INSIG2: variants seen among roughly 807,000 people sequenced by gnomAD.
INSIG2 encodes insulin induced gene 2, also known as insulin-induced gene 2 protein.
A neutral mutation model predicts 27.2 loss-of-function variants in INSIG2; 10 were observed. That is an observed-to-expected ratio of 0.37 (90% CI 0.23 to 0.62). The LOEUF (loss-of-function observed/expected upper bound fraction) is 0.62, where lower values mean the gene tolerates loss of function less well. Ranked by LOEUF, INSIG2 falls within the 20% of genes least tolerant of loss-of-function variation. The pLI, the probability that INSIG2 is intolerant of heterozygous loss-of-function variation, is 0.65. For missense variants in INSIG2, 178 were observed against 270.2 expected (o/e 0.66, Z 2.39); for synonymous variants, 97 against 95.8 (o/e 1.01, Z -0.07).
chr2:118,108,280 G>A lies in INSIG2; in HGVS notation c.637-1G>A. The A allele has an allele frequency of 1.3e-6, 2 of 1,588,158 alleles. No homozygotes were observed. The highest frequency in any genetic ancestry group is 1.7e-6 in the Non-Finnish European group (2 of 1,166,374). On this transcript the variant is annotated splice_acceptor_variant, in intron 5 of 5. Coordinates refer to ENST00000245787, the MANE Select transcript of INSIG2 (RefSeq NM_016133.4). LOFTEE classifies it high-confidence loss of function. ...ACCTTTTAACCTTTTAATTTTTGCA[G>A]TACGAATGTAAAGTTATCGCAGAAA... is the stretch of plus-strand genomic sequence containing the variant.
At chr2:118,098,694 C>T (rs887638494) in intron 2 of INSIG2, among the ~76,000 whole-genome samples, 5 of 152,178 alleles carry the variant, frequency 3.3e-5, no homozygotes, top group African/African-American at 9.7e-5. Flanking sequence ...TGTCCTTCTG[C>T]CCCTTTAATG....
chr2:118,101,185 C>T (rs1678536522), intron 2 of INSIG2, among the ~76,000 whole-genome samples: 1 of 152,226 alleles, frequency 6.6e-6, no homozygotes, highest in Non-Finnish European at 1.5e-5. Context: ...TGCTATCAGA[C>T]TCTGCCATGC....
chr2:118,097,681 A>C (rs1678443978), intron 2 of INSIG2, among the ~76,000 whole-genome samples: 1 of 152,226 alleles, frequency 6.6e-6, no homozygotes. Flanking sequence ...TTTAATAATA[A>C]AGTAATAAAA....
intron 3 of INSIG2, among the ~76,000 whole-genome samples, chr2:118,105,663 C>T (rs1678655829): frequency 6.6e-6 from 1 of 152,120 alleles, no homozygotes; most frequent in African/African-American, 2.4e-5. Flanking sequence ...GAGAAATAAG[C>T]AAGCTGGGTG....
At chr2:118,093,166 T>C (rs1678302675) in intron 1 of INSIG2, among the ~76,000 whole-genome samples, 2 of 77,390 alleles carry the variant, frequency 2.6e-5, no homozygotes, top group East Asian at 9.4e-4. Context: ...ATGATGATGA[T>C]GAAGGAGAGT....
chr2:118,092,898 T>G, intron 1 of INSIG2, among the ~76,000 whole-genome samples: 1 of 128,092 alleles, frequency 7.8e-6, no homozygotes, highest in East Asian at 2.2e-4. Flanking sequence ...ACGAGGAGAG[T>G]TCTGTAGCTA....
At chr2:118,103,079 TG>T (rs374575645) in intron 2 of INSIG2, 117 bp from the exon 3 acceptor site, 16 of 906,366 alleles carry the variant, frequency 1.8e-5, no homozygotes, top group East Asian at 5.1e-5. Flanking sequence ...CTTTTTTTTT[TG>T]TTTTTTTTTT....
At chr2:118,103,166 G>T (rs1265049059) in intron 2 of INSIG2, 31 bp from the exon 3 acceptor site, 1 of 1,602,158 alleles carries the variant, frequency 6.2e-7, no homozygotes, top group Admixed American at 1.7e-5. Flanking sequence ...AACATTGGAG[G>T]TAACTTAATT....
chr2:118,096,426 G>T lies in INSIG2; in HGVS notation c.-131G>T. 1.3e-6 allele frequency: 1 copy of T among 799,272 alleles called. No homozygotes were observed. The highest frequency in any genetic ancestry group is 1.9e-6 in the Non-Finnish European group (1 of 520,746). 49.5% of individuals were successfully genotyped at this position (799,272 alleles called of 1,614,324 possible). ...TTTTCTTATCTCTTGCAGGATTTCT[G>T]GTAGGTCCTACTTTAGGACAAGATG... On this transcript the variant is annotated 5_prime_UTR_variant, in exon 2 of 6. Transcript: ENST00000245787.
At chr2:118,091,594 T>C (rs968791077) in intron 1 of INSIG2, among the ~76,000 whole-genome samples, 4 of 152,216 alleles carry the variant, frequency 2.6e-5, no homozygotes, top group African/African-American at 4.8e-5. Flanking sequence ...CCCCTTGGAA[T>C]AGATGATTTC....
At chr2:118,090,136 A>G (rs1678190501) in intron 1 of INSIG2, among the ~76,000 whole-genome samples, 1 of 152,236 alleles carries the variant, frequency 6.6e-6, no homozygotes, top group African/African-American at 2.4e-5. Context: ...CAAGAATGCT[A>G]TTCTAATTAA....
In INSIG2 at chr2:118,108,289, TAA is replaced by T. The variant is rs974034957; in HGVS notation, c.647_648del (p.Lys216SerfsTer30). 6.3e-7 allele frequency: 1 copy of T among 1,593,648 alleles called. No individual in the cohort carries two copies. The highest frequency in any genetic ancestry group is 8.5e-7 in the Non-Finnish European group (1 of 1,170,192). ...CCTTTTAATTTTTGCAGTACGAATG[TAA>T]AGTTATCGCAGAAAAATCTCATCAG... The part of the protein sequence containing the change: ...IGRQLAMYEC[K>X]VIAEKSHQE On this transcript the variant is annotated frameshift_variant, in exon 6 of 6. Transcript: ENST00000245787. LOFTEE classifies it high-confidence loss of function.
At chr2:118,093,657 T>TGAG (rs1393094898) in intron 1 of INSIG2, among the ~76,000 whole-genome samples, 2 of 83,584 alleles carry the variant, frequency 2.4e-5, no homozygotes, top group Admixed American at 1.2e-4. Flanking sequence ...AACCAGATGA[T>TGAG]GATGATGAGG....
chr2:118,090,791 C>T (rs1321178933), intron 1 of INSIG2, among the ~76,000 whole-genome samples: 1 of 152,176 alleles, frequency 6.6e-6, no homozygotes, highest in African/African-American at 2.4e-5. Context: ...TGTGGTGAAG[C>T]AGGAAGAACT....
intron 1 of INSIG2, among the ~76,000 whole-genome samples, chr2:118,093,209 AGATGAT>A (rs72489038): frequency 0.083 from 675 of 8,178 alleles, 78 homozygotes; most frequent in Admixed American, 0.12. Flanking sequence ...AAAAGCAACC[AGATGAT>A]GATGATGATG....
rs188187418 is a variant in INSIG2 at position 118,091,782 on chromosome 2, A to G, written c.-139+3241A>G. On this transcript the variant is annotated intron_variant, in intron 1 of 5. Transcript: ENST00000245787. ...AGTAGAAAACTAAACAAGCACTGCC[A>G]GGAAAGGTTAAATAAGCAGCTGTGG... is the stretch of plus-strand genomic sequence containing the variant. Among the ~76,000 whole-genome samples the G allele has an allele frequency of 1.4e-3, 220 of 152,372 alleles. No individual in the cohort carries two copies. In the Middle Eastern group the frequency reaches 0.017, roughly 12 times the overall value.
At chr2:118,101,377 T>C (rs1475530097) in intron 2 of INSIG2, among the ~76,000 whole-genome samples, 1 of 152,260 alleles carries the variant, frequency 6.6e-6, no homozygotes, top group East Asian at 1.9e-4. Flanking sequence ...CTCTCCTCAG[T>C]TGTCTCTCAC....
chr2:118,103,738 A>G (rs899012820), intron 3 of INSIG2, among the ~76,000 whole-genome samples: 3 of 151,926 alleles, frequency 2.0e-5, no homozygotes. Flanking sequence ...TAACTTAAAG[A>G]AGCTTTTTTT....
chr2:118,105,398 G>A (rs867407547), intron 3 of INSIG2, among the ~76,000 whole-genome samples: 2 of 152,062 alleles, frequency 1.3e-5, no homozygotes, highest in African/African-American at 2.4e-5. Flanking sequence ...TCCTTACTTC[G>A]CTGTGACTTT....
Sources: allele counts gnomAD v4.1 joint callset (sites outside exome capture counted in the v4.1 genomes callset), GRCh38; gene constraint gnomAD v4.1.1; transcripts MANE v1.5; gene names NCBI Gene and HGNC (gene_info 2026-07-23, HGNC 2026-07-21).